Variants in APBA2 observed in about 807,000 individuals in gnomAD.
APBA2 encodes amyloid beta precursor protein binding family A member 2.
A neutral mutation model predicts 75.0 loss-of-function variants in APBA2; 30 were observed. That is an observed-to-expected ratio of 0.40 (90% CI 0.30 to 0.54). APBA2 has a LOEUF of 0.54. APBA2 is among the 20% of genes least tolerant of loss of function. The probability of loss-of-function intolerance (pLI) is 0.49; values close to 1 mark genes in which losing one functional copy is unlikely to be tolerated. For synonymous variants in APBA2, 444 were observed against 409.6 expected, an observed-to-expected ratio of 1.08 and a Z score of -1.01; for missense variants, 801 against 1,016.1, an observed-to-expected ratio of 0.79 and a Z score of 2.88.
intron 1 of APBA2, among the ~76,000 whole-genome samples, chr15:28,889,961 T>C (rs36179716): frequency 0.28 from 42,017 of 152,178 alleles, 6,104 homozygotes; most frequent in Non-Finnish European, 0.3. Flanking sequence ...AAAGACTTTG[T>C]TCACCTCTGG....
intron 2 of APBA2, among the ~76,000 whole-genome samples, chr15:28,923,810 G>A (rs558291338): frequency 1.3e-5 from 2 of 152,262 alleles, no homozygotes; most frequent in East Asian, 3.9e-4. Flanking sequence ...CTCAGTGCTT[G>A]GGCCTTTTGG....
At chr15:28,913,095 A>T (rs1352589014) in intron 1 of APBA2, among the ~76,000 whole-genome samples, 1 of 152,214 alleles carries the variant, frequency 6.6e-6, no homozygotes, top group Non-Finnish European at 1.5e-5. Context: ...TCTGCACTAC[A>T]GTTTGTGTCC....
chr15:28,974,510 A>G (rs1164411934), intron 2 of APBA2, among the ~76,000 whole-genome samples: 1 of 152,190 alleles, frequency 6.6e-6, no homozygotes, highest in Non-Finnish European at 1.5e-5. Context: ...TACTTGGAAC[A>G]CTTAGGAAAG....
chr15:28,987,729 GATAT>G (rs146348050), intron 2 of APBA2, among the ~76,000 whole-genome samples: 1 of 106,276 alleles, frequency 9.4e-6, no homozygotes, highest in Non-Finnish European at 1.8e-5. Flanking sequence ...TGTGGAGAGA[GATAT>G]ATATATATAT....
rs145426755 is a variant in APBA2 at position 28,959,969 on chromosome 15, C to T, written c.-94-35784C>T. On this transcript the variant is annotated intron_variant, in intron 2 of 14. Transcript: ENST00000683413. Reference sequence around the variant, plus strand: ...GAGCAGCCTGGGCAACATGGTGAAACGCCATCTCTACTAAAAATACAAACA... The same window carrying T: ...GAGCAGCCTGGGCAACATGGTGAAATGCCATCTCTACTAAAAATACAAACA... 5.1e-3 allele frequency among the ~76,000 whole-genome samples: 771 copies of T among 152,122 alleles called. 4 individuals are homozygous for T. Among genetic ancestry groups the T allele is most frequent in the Non-Finnish European group, 9.4e-3 (636 of 67,986 alleles).
intron 3 of APBA2, 130 bp downstream of exon 3, chr15:28,995,936 T>G (rs2038492356): frequency 6.6e-6 from 1 of 152,262 alleles, no homozygotes; most frequent in African/African-American, 2.4e-5. Flanking sequence ...CTTTGTTTTC[T>G]GGGATCCTGT....
chr15:28,939,159 G>A (rs779683527), intron 2 of APBA2, among the ~76,000 whole-genome samples: 1 of 152,144 alleles, frequency 6.6e-6, no homozygotes, highest in Non-Finnish European at 1.5e-5. Flanking sequence ...TGTCCGTAGG[G>A]GTCCTGCACG....
intron 1 of APBA2, among the ~76,000 whole-genome samples, chr15:28,905,477 G>A (rs1359210253): frequency 2.0e-5 from 3 of 152,186 alleles, no homozygotes; most frequent in Non-Finnish European, 4.4e-5. Flanking sequence ...AATAACTAGA[G>A]GCTGCCTGGG....
intron 3 of APBA2, among the ~76,000 whole-genome samples, chr15:29,006,419 T>C (rs1458487961): frequency 2.0e-5 from 3 of 152,146 alleles, no homozygotes; most frequent in African/African-American, 7.2e-5. Flanking sequence ...CACCAGTAAA[T>C]GGAAAGACAT....
intron 1 of APBA2, among the ~76,000 whole-genome samples, chr15:28,887,157 T>C (rs570899039): frequency 1.3e-5 from 2 of 152,346 alleles, no homozygotes; most frequent in South Asian, 4.1e-4. Flanking sequence ...AGATACGACC[T>C]GGCAGGCACC....
intron 2 of APBA2, among the ~76,000 whole-genome samples, chr15:28,995,331 G>T (rs1355072490): frequency 1.3e-5 from 2 of 152,240 alleles, no homozygotes; most frequent in East Asian, 3.9e-4. Context: ...TTTCATCGCA[G>T]TCCTCTCCCC....
Position 28,991,496 on chromosome 15 carries a change from C to A in APBA2, c.-94-4257C>A, listed in dbSNP as rs2038229482. 6.6e-6 allele frequency among the ~76,000 whole-genome samples: 1 copy of A among 152,218 alleles called. No individual in the cohort carries two copies. ...CCAGCTGCCCGGCCCCACTGTGAGGCCGCCCCTTGCAGGTGAGTTCACTGG... is the reference window on the plus strand; with the variant it reads ...CCAGCTGCCCGGCCCCACTGTGAGGACGCCCCTTGCAGGTGAGTTCACTGG... On this transcript the variant is annotated intron_variant, in intron 2 of 14. Transcript: ENST00000683413. This position sits in a 1 kb window ranked among gnomAD's most constrained non-coding sequence, Gnocchi z 4.7.
At chr15:29,073,128 T>C (rs1283128695) in intron 4 of APBA2, among the ~76,000 whole-genome samples, 20 of 152,150 alleles carry the variant, frequency 1.3e-4, no homozygotes, top group Admixed American at 1.3e-3. Flanking sequence ...CCTTTAATTT[T>C]TCTCAAAACC....
At chr15:29,065,135 TC>T (rs1480604427) in intron 4 of APBA2, among the ~76,000 whole-genome samples, 1 of 152,104 alleles carries the variant, frequency 6.6e-6, no homozygotes, top group African/African-American at 2.4e-5. Context: ...ACCCAGGCTG[TC>T]CACGTGCGTC....
At chr15:28,964,740 G>A (rs1288812667) in intron 2 of APBA2, among the ~76,000 whole-genome samples, 5 of 151,748 alleles carry the variant, frequency 3.3e-5, no homozygotes, top group East Asian at 1.9e-4. Context: ...AGCCCACCTC[G>A]GCCTCCGAAA....
chr15:28,973,125 G>C (rs987214827), intron 2 of APBA2, among the ~76,000 whole-genome samples: 1 of 152,200 alleles, frequency 6.6e-6, no homozygotes, highest in Non-Finnish European at 1.5e-5. Flanking sequence ...CTCCATTGAG[G>C]TCCGGACTCC....
rs559027174 is a variant in APBA2 at position 28,900,819 on chromosome 15, G to A, written c.-205+14541G>A. The stretch of plus-strand genomic sequence containing the variant: ...GACTGGCTGCCTGGCAGAGAGGCAG[G>A]CACTCACTCATTTGCTCACCCCTTC... On this transcript the variant is annotated intron_variant, in intron 1 of 14. Transcript: ENST00000683413. Among the ~76,000 whole-genome samples, 14 of 152,222 alleles carry A rather than the reference G, an allele frequency of 9.2e-5. No homozygotes were observed. The East Asian group carries it at 2.3e-3, about 25-fold the overall frequency.
chr15:29,098,713 G>A (rs952585420), intron 9 of APBA2, 137 bp downstream of exon 9: 17 of 776,838 alleles, frequency 2.2e-5, no homozygotes, highest in Non-Finnish European at 2.9e-5. Flanking sequence ...CCCATAGCCC[G>A]GGCTGCGGGA....
chr15:29,066,577 T>C (rs558975863), intron 4 of APBA2, among the ~76,000 whole-genome samples: 1 of 151,830 alleles, frequency 6.6e-6, no homozygotes, highest in South Asian at 2.1e-4. Flanking sequence ...AGCTGGTGTT[T>C]AATGGGTGCA....
Sources: gnomAD v4.1 joint callset for allele counts (sites outside exome capture counted in the v4.1 genomes callset) on GRCh38, gnomAD v4.1.1 for gene constraint, Gnocchi (gnomAD v3.1) non-coding constraint, MANE v1.5 for transcripts, NCBI Gene and HGNC (gene_info 2026-07-23, HGNC 2026-07-21) for gene names.